SGCZ: variants seen among roughly 807,000 people sequenced by gnomAD.
The protein encoded by SGCZ is sarcoglycan zeta, also known as zeta-sarcoglycan.
Under a neutral mutation model 41.3 loss-of-function variants are expected in SGCZ, and 40 were observed. That is an observed-to-expected ratio of 0.97 (90% CI 0.75 to 1.26). The LOEUF (loss-of-function observed/expected upper bound fraction) is 1.26. Ranked by LOEUF, SGCZ falls within the 50% of genes most tolerant of loss-of-function variation. The pLI is 0.00. For missense variants in SGCZ, 552 were observed against 369.8 expected (o/e 1.49, Z -4.04); for synonymous variants, 206 against 137.5 (o/e 1.50, Z -3.49).
At chr8:15,061,766 G>C (rs1312924548) in intron 1 of SGCZ, among the ~76,000 whole-genome samples, 1 of 152,042 alleles carries the variant, frequency 6.6e-6, no homozygotes, top group African/African-American at 2.4e-5. Context: ...TTCTCCAAAA[G>C]TGAGACAGAT....
At chr8:14,818,577 G>T (rs1015504902) in intron 1 of SGCZ, among the ~76,000 whole-genome samples, 1 of 151,990 alleles carries the variant, frequency 6.6e-6, no homozygotes, top group African/African-American at 2.4e-5. Context: ...TCCACTAACA[G>T]AACCCAAAGC....
chr8:15,082,767 A>C (rs1048598306), intron 1 of SGCZ, among the ~76,000 whole-genome samples: 2 of 152,184 alleles, frequency 1.3e-5, no homozygotes, highest in Non-Finnish European at 2.9e-5. Context: ...TATGACCTAA[A>C]GAACCATTAA....
intron 3 of SGCZ, among the ~76,000 whole-genome samples, chr8:14,244,629 G>C (rs918119930): frequency 6.6e-6 from 1 of 151,518 alleles, no homozygotes; most frequent in African/African-American, 2.4e-5. Flanking sequence ...ATTCTGTGCA[G>C]AAAGGCATTG....
intron 2 of SGCZ, among the ~76,000 whole-genome samples, chr8:14,346,817 G>C (rs1802905190): frequency 6.6e-6 from 1 of 151,886 alleles, no homozygotes; most frequent in African/African-American, 2.4e-5. Flanking sequence ...ATAAATATTT[G>C]TGTGCGCGCA....
chr8:14,576,539 T>C (rs1212611423), intron 1 of SGCZ, among the ~76,000 whole-genome samples: 4 of 152,222 alleles, frequency 2.6e-5, no homozygotes, highest in African/African-American at 4.8e-5. Context: ...AAATTGAATA[T>C]GAATGGAATT....
intron 2 of SGCZ, among the ~76,000 whole-genome samples, chr8:14,370,347 G>A (rs1803867202): frequency 6.6e-6 from 1 of 151,738 alleles, no homozygotes; most frequent in Non-Finnish European, 1.5e-5. Flanking sequence ...GTAGTATATT[G>A]CTTTAGTTGA....
intron 1 of SGCZ, among the ~76,000 whole-genome samples, chr8:14,772,433 T>C (rs1012335215): frequency 5.3e-5 from 8 of 151,992 alleles, no homozygotes; most frequent in Admixed American, 3.9e-4. Flanking sequence ...TTTCTTTTTT[T>C]TTTCATTATT....
In SGCZ at chr8:14,717,537, T is replaced by C. The variant is rs374811595; in HGVS notation, c.40-162611A>G. On this transcript the variant is annotated intron_variant, in intron 1 of 7. Coordinates refer to ENST00000382080, the MANE Select transcript of SGCZ (RefSeq NM_139167.4). ...CTCAAGGAGAGGAGAGTTCTGTCCA[T>C]TCTCTCTAGTGATGAGAAAGTCGTC... Among the ~76,000 whole-genome samples, 88 of 152,270 alleles carry C rather than the reference T, an allele frequency of 5.8e-4. 4 individuals are homozygous for C. In the South Asian group the frequency reaches 0.018, roughly 31 times the overall value.
intron 3 of SGCZ, among the ~76,000 whole-genome samples, chr8:14,301,760 T>C (rs541673535): frequency 6.6e-6 from 1 of 152,308 alleles, no homozygotes; most frequent in African/African-American, 2.4e-5. Flanking sequence ...TGAAACTGAC[T>C]TTAATTTTTA....
At chr8:14,958,245 G>A (rs955881946) in intron 1 of SGCZ, among the ~76,000 whole-genome samples, 11 of 151,810 alleles carry the variant, frequency 7.2e-5, no homozygotes, top group Middle Eastern at 3.4e-3. Context: ...ACCCTCCTAG[G>A]TTTTTACCCA....
At chr8:14,416,517 GC>G (rs1799497961) in intron 2 of SGCZ, among the ~76,000 whole-genome samples, 1 of 151,874 alleles carries the variant, frequency 6.6e-6, no homozygotes, top group South Asian at 2.1e-4. Flanking sequence ...CAGAGTGAAG[GC>G]CCCAGATGCC....
At chr8:14,567,147 C>T (rs534525525) in intron 1 of SGCZ, among the ~76,000 whole-genome samples, 4 of 152,200 alleles carry the variant, frequency 2.6e-5, no homozygotes, top group Non-Finnish European at 5.9e-5. Context: ...CTGGTGGCGT[C>T]GGAGCCCCCC....
At chr8:14,465,780 G>A (rs1382647104) in intron 2 of SGCZ, among the ~76,000 whole-genome samples, 4 of 151,558 alleles carry the variant, frequency 2.6e-5, no homozygotes, top group African/African-American at 9.7e-5. Context: ...CTCTTTTGAT[G>A]CCTCTGTCTC....
chr8:14,900,824 T>C (rs945697806), intron 1 of SGCZ, among the ~76,000 whole-genome samples: 2 of 152,176 alleles, frequency 1.3e-5, no homozygotes, highest in African/African-American at 4.8e-5. Flanking sequence ...TCAGAATCTT[T>C]CCTTAAAAAC....
chr8:14,720,798 G>C (rs1288545549), intron 1 of SGCZ, among the ~76,000 whole-genome samples: 3 of 152,032 alleles, frequency 2.0e-5, no homozygotes, highest in Non-Finnish European at 2.9e-5. Flanking sequence ...GCTGCCTACT[G>C]CTTTATAGCC....
At chr8:14,567,580 A>G (rs1362015476) in intron 1 of SGCZ, among the ~76,000 whole-genome samples, 1 of 152,154 alleles carries the variant, frequency 6.6e-6, no homozygotes, top group Non-Finnish European at 1.5e-5. Context: ...GGGGCTAGAT[A>G]AGAGAATAAA....
At chr8:14,912,533 G>C (rs933121567) in intron 1 of SGCZ, among the ~76,000 whole-genome samples, 1 of 151,878 alleles carries the variant, frequency 6.6e-6, no homozygotes, top group African/African-American at 2.4e-5. Flanking sequence ...ATCAAATTAG[G>C]ACAACATAAG....
intron 6 of SGCZ, among the ~76,000 whole-genome samples, chr8:14,106,057 T>C (rs1047365846): frequency 1.3e-5 from 2 of 152,344 alleles, no homozygotes; most frequent in African/African-American, 4.8e-5. Context: ...TCCTTTGTAA[T>C]AACTGCAGCC....
At chr8:14,462,422 T>C (rs1800928425) in intron 2 of SGCZ, among the ~76,000 whole-genome samples, 1 of 152,080 alleles carries the variant, frequency 6.6e-6, no homozygotes, top group Non-Finnish European at 1.5e-5. Context: ...CATACGGTTG[T>C]GCTACTATCA....
Sources: allele counts gnomAD v4.1 joint callset (sites outside exome capture counted in the v4.1 genomes callset), GRCh38; gene constraint gnomAD v4.1.1; transcripts MANE v1.5; gene names NCBI Gene and HGNC (gene_info 2026-07-23, HGNC 2026-07-21).